Variants in CNTN3 observed in about 807,000 individuals in gnomAD.
CNTN3 encodes the protein contactin-3.
Under a neutral mutation model 119.1 loss-of-function variants are expected in CNTN3, and 60 were observed. That is an observed-to-expected ratio of 0.50 (90% CI 0.41 to 0.62). The LOEUF is 0.62. Among genes scored for constraint, CNTN3 ranks in the 20% least tolerant of loss-of-function variants. CNTN3 has a pLI of 0.00. For synonymous variants in CNTN3, 450 were observed against 438.7 expected (o/e 1.03, Z -0.32); for missense variants, 1,101 against 1,242.4 (o/e 0.89, Z 1.71).
At chr3:74,524,326 G>T (rs1259690473) in intron 1 of CNTN3, among the ~76,000 whole-genome samples, 2 of 151,832 alleles carry the variant, frequency 1.3e-5, no homozygotes, top group African/African-American at 2.4e-5. Context: ...AGATTGTCAG[G>T]AGACTGATAA....
chr3:74,266,938 C>T (rs1701672618), intron 21 of CNTN3, among the ~76,000 whole-genome samples: 1 of 152,030 alleles, frequency 6.6e-6, no homozygotes, highest in Non-Finnish European at 1.5e-5. Flanking sequence ...AGTGTATGGA[C>T]CTTGAATGCC....
chr3:74,487,990 C>A (rs1702888869), intron 3 of CNTN3, among the ~76,000 whole-genome samples: 1 of 148,156 alleles, frequency 6.7e-6, no homozygotes, highest in Admixed American at 6.8e-5. Context: ...AATCATTATA[C>A]ATAATTATTT....
chr3:74,595,657 T>G (rs1474852099), intron 1 of CNTN3, among the ~76,000 whole-genome samples: 1 of 152,124 alleles, frequency 6.6e-6, no homozygotes, highest in East Asian at 1.9e-4. Flanking sequence ...TGCTAAAAAC[T>G]CTCAATAAAT....
intron 4 of CNTN3, among the ~76,000 whole-genome samples, chr3:74,466,693 A>AT (rs1422471491): frequency 3.3e-5 from 5 of 152,202 alleles, no homozygotes; most frequent in East Asian, 1.9e-4. Flanking sequence ...TTTAGAAGAG[A>AT]TTTTCAGTGA....
At chr3:74,394,312 T>A (rs1704990479) in intron 5 of CNTN3, among the ~76,000 whole-genome samples, 2 of 151,660 alleles carry the variant, frequency 1.3e-5, no homozygotes, top group African/African-American at 4.9e-5. Flanking sequence ...ACATACCCTC[T>A]CTAGATGTTA....
At chr3:74,605,654 C>A (rs1704979903) in intron 1 of CNTN3, among the ~76,000 whole-genome samples, 1 of 152,080 alleles carries the variant, frequency 6.6e-6, no homozygotes, top group Non-Finnish European at 1.5e-5. Flanking sequence ...GTTTTGGCTA[C>A]TTGCCAGCTA....
At chr3:74,374,249 C>T (rs1172667054) in intron 5 of CNTN3, among the ~76,000 whole-genome samples, 3 of 151,988 alleles carry the variant, frequency 2.0e-5, no homozygotes, top group Non-Finnish European at 4.4e-5. Context: ...GTCTGAGGCT[C>T]TCTGCCCATT....
At chr3:74,496,588 G>C (rs368701201) in intron 3 of CNTN3, among the ~76,000 whole-genome samples, 29 of 151,212 alleles carry the variant, frequency 1.9e-4, no homozygotes, top group East Asian at 1.8e-3. Context: ...GCAGCGACCA[G>C]GGATTCTCCT....
rs202217926 is a variant in CNTN3 at position 74,424,906 on chromosome 3, T to A, written c.393A>T (p.Thr131=). The A allele has an allele frequency of 6.2e-7, 1 of 1,611,690 alleles. No individual in the cohort carries two copies. The highest frequency in any genetic ancestry group is 1.1e-5 in the South Asian group (1 of 90,334). ...LENFKTKMRS[T]VSVREGQGVV... ...CTCCCTGGCCTTCACGCACAGACAC[T>A]GTACTCCTCATTTTGGTTTTAAAAT... Residue 131 remains threonine (T), a synonymous_variant, in exon 5 of 23, where the codon ACA becomes ACT. Transcript: ENST00000263665.
chr3:74,607,490 C>T (rs544755252), intron 1 of CNTN3, among the ~76,000 whole-genome samples: 2 of 152,140 alleles, frequency 1.3e-5, no homozygotes, highest in Non-Finnish European at 2.9e-5. Flanking sequence ...GGGGCCCTGC[C>T]CTAGTGGCAT....
intron 1 of CNTN3, among the ~76,000 whole-genome samples, chr3:74,551,709 A>T (rs1703992839): frequency 7.7e-6 from 1 of 130,440 alleles, no homozygotes; most frequent in African/African-American, 2.9e-5. Flanking sequence ...AATTGGAATC[A>T]TTTAGTATGT....
At chr3:74,467,357 T>TGGTGGGG in intron 4 of CNTN3, among the ~76,000 whole-genome samples, 1 of 152,092 alleles carries the variant, frequency 6.6e-6, no homozygotes, top group South Asian at 2.1e-4. Context: ...CTAACAAAAA[T>TGGTGGGG]GGTGGGGGAT....
chr3:74,496,701 A>G (rs1263805487), intron 3 of CNTN3, among the ~76,000 whole-genome samples: 1 of 152,118 alleles, frequency 6.6e-6, no homozygotes, highest in East Asian at 1.9e-4. Context: ...ATACTTCCTC[A>G]GGGTAACCTC....
At chr3:74,480,981 A>G (rs7630619) in intron 4 of CNTN3, among the ~76,000 whole-genome samples, 7,501 of 151,980 alleles carry the variant, frequency 0.049, 589 homozygotes, top group African/African-American at 0.17. Flanking sequence ...AAAAAAAAGA[A>G]CATAAAAATC....
chr3:74,417,238 T>C (rs188151086), intron 5 of CNTN3, among the ~76,000 whole-genome samples: 1 of 152,310 alleles, frequency 6.6e-6, no homozygotes, highest in Non-Finnish European at 1.5e-5. Context: ...TGGGCCCATA[T>C]GTACCTGAGG....
intron 1 of CNTN3, among the ~76,000 whole-genome samples, chr3:74,526,049 A>G (rs969099752): frequency 2.2e-4 from 33 of 151,888 alleles, no homozygotes; most frequent in African/African-American, 7.7e-4. Context: ...TTCAGATAAC[A>G]TGTACCTAAC....
chr3:74,517,156 C>T (rs1412161398), intron 2 of CNTN3, among the ~76,000 whole-genome samples: 1 of 151,788 alleles, frequency 6.6e-6, no homozygotes, highest in African/African-American at 2.4e-5. Context: ...GACCTGTAAC[C>T]TCCCTCTCCT....
chr3:74,448,997 C>A (rs1008884417), intron 4 of CNTN3, among the ~76,000 whole-genome samples: 1 of 152,026 alleles, frequency 6.6e-6, no homozygotes, highest in Non-Finnish European at 1.5e-5. Flanking sequence ...CACTTCCCAG[C>A]TGCTAGAATT....
At chr3:74,609,398 T>C (rs556360835) in intron 1 of CNTN3, among the ~76,000 whole-genome samples, 2 of 152,272 alleles carry the variant, frequency 1.3e-5, no homozygotes, top group African/African-American at 2.4e-5. Flanking sequence ...GCCTGGCACA[T>C]TGCTTGAATG....
Sources: gnomAD v4.1 joint callset for allele counts (sites outside exome capture counted in the v4.1 genomes callset) on GRCh38, gnomAD v4.1.1 for gene constraint, MANE v1.5 for transcripts, NCBI Gene and HGNC (gene_info 2026-07-23, HGNC 2026-07-21) for gene names.